The following ESF1 variants were observed in gnomAD, a reference collection of about 807,000 sequenced individuals.
ESF1 encodes ESF1 nucleolar pre-rRNA processing protein, also known as ESF1 homolog.
A neutral mutation model predicts 92.0 loss-of-function variants in ESF1; 58 were observed. The ratio of observed to expected loss-of-function variants is 0.63; its 90% CI spans 0.51 to 0.78. The LOEUF is 0.78. ESF1 is among the 30% of genes least tolerant of loss of function. ESF1 has a pLI of 0.00. For missense variants in ESF1, 922 were observed against 989.1 expected (o/e 0.93, Z 0.91); for synonymous variants, 321 against 313.7 (o/e 1.02, Z -0.24).
intron 2 of ESF1, among the ~76,000 whole-genome samples, chr20:13,780,134 C>T (rs1265070669): frequency 6.6e-6 from 1 of 152,128 alleles, no homozygotes; most frequent in Non-Finnish European, 1.5e-5. Context: ...AAAATTACTG[C>T]AAGCAATGTG....
chr20:13,728,531 G>A, intron 10 of ESF1, 66 bp from the exon 11 acceptor site: 3 of 1,206,306 alleles, frequency 2.5e-6, no homozygotes, highest in Non-Finnish European at 2.3e-6. Flanking sequence ...TGTATACCAA[G>A]AAAAACTATG....
At chr20:13,741,915 C>CA (rs1405126599) in intron 9 of ESF1, among the ~76,000 whole-genome samples, 1 of 152,028 alleles carries the variant, frequency 6.6e-6, no homozygotes, top group African/African-American at 2.4e-5. Flanking sequence ...TAAAAGCCAA[C>CA]AGGAAAAGCA....
At chr20:13,737,016 T>C (rs1486479270) in intron 9 of ESF1, among the ~76,000 whole-genome samples, 1 of 152,224 alleles carries the variant, frequency 6.6e-6, no homozygotes, top group Non-Finnish European at 1.5e-5. Flanking sequence ...GTTTATGTTC[T>C]AAGTTCTTAA....
At chr20:13,724,783 G>T (rs769546330) in intron 11 of ESF1, among the ~76,000 whole-genome samples, 1 of 152,094 alleles carries the variant, frequency 6.6e-6, no homozygotes, top group African/African-American at 2.4e-5. Flanking sequence ...AAGTCATATG[G>T]GAGGACTGGG....
chr20:13,740,417 C>T (rs1009643966), intron 9 of ESF1, among the ~76,000 whole-genome samples: 3 of 151,728 alleles, frequency 2.0e-5, no homozygotes, highest in African/African-American at 7.3e-5. Context: ...GCACACTAGA[C>T]AGAGGTAAAG....
chr20:13,743,591 T>C (rs1027169933), intron 9 of ESF1, among the ~76,000 whole-genome samples: 1 of 152,204 alleles, frequency 6.6e-6, no homozygotes, highest in East Asian at 1.9e-4. Context: ...CAGATGATCC[T>C]AGAGAACATA....
At chr20:13,770,268 C>T (rs1178444503) in intron 6 of ESF1, among the ~76,000 whole-genome samples, 3 of 152,162 alleles carry the variant, frequency 2.0e-5, no homozygotes, top group African/African-American at 7.2e-5. Flanking sequence ...AGATAGAAAT[C>T]GTGCATTAGG....
chr20:13,714,836 G>A lies in ESF1; in HGVS notation c.*38C>T. 6.8e-7 allele frequency: 1 copy of A among 1,480,800 alleles called. No homozygotes were observed. The highest frequency in any genetic ancestry group is 9.1e-7 in the Non-Finnish European group (1 of 1,100,422). The allele number at this position is 1,480,800 out of a possible 1,614,324, so 91.7% of individuals were successfully genotyped here. ...CTCCTATTATTTTTGTACATTTTAG[G>A]AAAAGATGTATTCAGTTCAAAAATA... is the stretch of plus-strand genomic sequence containing the variant. On this transcript the variant is annotated 3_prime_UTR_variant, in exon 14 of 14. Transcript: ENST00000617257.
intron 2 of ESF1, among the ~76,000 whole-genome samples, chr20:13,776,835 A>G (rs977222884): frequency 1.1e-4 from 17 of 152,184 alleles, no homozygotes; most frequent in Non-Finnish European, 2.5e-4. Context: ...AATTTGTTTG[A>G]AAGAGCAAGG....
intron 9 of ESF1, among the ~76,000 whole-genome samples, chr20:13,756,296 C>T (rs978221560): frequency 3.3e-5 from 5 of 152,182 alleles, no homozygotes; most frequent in Non-Finnish European, 7.4e-5. Flanking sequence ...TAAGGATTCA[C>T]AGATAACAAT....
At chr20:13,765,990 A>T (rs917965251) in intron 8 of ESF1, among the ~76,000 whole-genome samples, 2 of 152,216 alleles carry the variant, frequency 1.3e-5, no homozygotes, top group Non-Finnish European at 2.9e-5. Flanking sequence ...AAAAAATATA[A>T]TAACCAAGAT....
chr20:13,775,751 C>G, intron 3 of ESF1, 122 bp downstream of exon 3: 1 of 1,171,588 alleles, frequency 8.5e-7, no homozygotes, highest in South Asian at 2.0e-5. Flanking sequence ...AAATTTTAAT[C>G]AGAATCATAA....
At chr20:13,756,942 T>C (rs1206449279) in intron 9 of ESF1, among the ~76,000 whole-genome samples, 1 of 152,212 alleles carries the variant, frequency 6.6e-6, no homozygotes, top group Non-Finnish European at 1.5e-5. Context: ...AATGAAGAAA[T>C]TTAAGAAAAG....
At chr20:13,748,450 A>T (rs1363607291) in intron 9 of ESF1, among the ~76,000 whole-genome samples, 7 of 124,988 alleles carry the variant, frequency 5.6e-5, no homozygotes, top group Admixed American at 2.3e-4. Context: ...ACATATATAC[A>T]TATATATACA....
At chr20:13,730,235 G>A (rs1459142031) in intron 10 of ESF1, among the ~76,000 whole-genome samples, 1 of 151,934 alleles carries the variant, frequency 6.6e-6, no homozygotes, top group African/African-American at 2.4e-5. Context: ...ACCACACCTG[G>A]CTAATTTTTT....
intron 9 of ESF1, among the ~76,000 whole-genome samples, chr20:13,740,571 G>A (rs556602868): frequency 9.8e-5 from 15 of 152,302 alleles, no homozygotes; most frequent in Non-Finnish European, 1.6e-4. Flanking sequence ...GGAGAAAACA[G>A]AGAAGATTGG....
At chr20:13,771,777 C>T (rs1289791749) in intron 5 of ESF1, among the ~76,000 whole-genome samples, 1 of 152,010 alleles carries the variant, frequency 6.6e-6, no homozygotes. Context: ...TACACACTGC[C>T]TTCTCAAGTA....
At chr20:13,742,994 G>A (rs1480827063) in intron 9 of ESF1, among the ~76,000 whole-genome samples, 13 of 152,048 alleles carry the variant, frequency 8.5e-5, no homozygotes, top group African/African-American at 1.2e-4. Context: ...TTCACTTAGC[G>A]TAGTATTTTC....
intron 7 of ESF1, among the ~76,000 whole-genome samples, chr20:13,769,324 G>A (rs765012884): frequency 1.3e-5 from 2 of 152,150 alleles, no homozygotes; most frequent in Non-Finnish European, 2.9e-5. Context: ...AGAGTGTATA[G>A]GAGAGACAGA....
Sources: allele counts gnomAD v4.1 joint callset (sites outside exome capture counted in the v4.1 genomes callset), GRCh38; gene constraint gnomAD v4.1.1; transcripts MANE v1.5; gene names NCBI Gene and HGNC (gene_info 2026-07-23, HGNC 2026-07-21).